PNN: variants seen among roughly 807,000 people sequenced by gnomAD.
The protein encoded by PNN is pinin.
Under a neutral mutation model 76.6 loss-of-function variants are expected in PNN, and 38 were observed. The observed-to-expected ratio is 0.50, with a 90% CI of 0.38 to 0.65. The LOEUF (loss-of-function observed/expected upper bound fraction) is 0.65. PNN is among the 30% of genes least tolerant of loss of function. PNN has a pLI of 0.00. For synonymous variants in PNN, 366 were observed against 283.7 expected (o/e 1.29, Z -2.91); for missense variants, 873 against 874.1 (o/e 1.00, Z 0.02).
intron 8 of PNN, 42 bp downstream of exon 8, chr14:39,179,504 A>G (rs377417975): frequency 4.8e-5 from 74 of 1,545,172 alleles, no homozygotes; most frequent in Non-Finnish European, 6.3e-5. Context: ...CATAGTGGGT[A>G]AGGTAATATG....
At chr14:39,179,060 T>C (rs2053251021) in intron 6 of PNN, 31 bp from the exon 7 acceptor site, 4 of 1,590,120 alleles carry the variant, frequency 2.5e-6, no homozygotes, top group Non-Finnish European at 2.6e-6. Flanking sequence ...TTTCAACACG[T>C]AAGTATTAAA....
rs373531281 is a variant in PNN, at chr14:39,180,468, G to A, written c.794-35G>A. ...ATTATGGCTTTGAATTTTCTTAATC[G>A]GTAAATTTTACACATGTAAATTTTT... On this transcript the variant is annotated intron_variant, in intron 8 of 8. Coordinates refer to ENST00000216832, the MANE Select transcript of PNN (RefSeq NM_002687.4). 5.5e-5 allele frequency: 82 copies of A among 1,494,062 alleles called. No homozygotes were observed. Among genetic ancestry groups the A allele is most frequent in the Non-Finnish European group, 6.7e-5 (75 of 1,121,902 alleles). The allele number at this position is 1,494,062 out of a possible 1,614,324, so 92.6% of individuals were successfully genotyped here.
In PNN at chr14:39,181,116, A is replaced by C. The variant is rs148193612; in HGVS notation, c.1407A>C (p.Gln469His). The C allele has an allele frequency of 3.3e-5, 54 of 1,612,370 alleles. No homozygotes were observed. Among genetic ancestry groups the C allele is most frequent in the Non-Finnish European group, 4.5e-5 (53 of 1,178,582 alleles). Residue 469 changes from glutamine (Q) to histidine (H), a missense_variant, in exon 9 of 9, where the codon CAA becomes CAC. Gln to His is a conservative substitution (Grantham distance 24). This residue lies in a region of PNN where 712 missense variants were observed against 693.1 expected (regional missense o/e 1.03). Coordinates refer to ENST00000216832, the MANE Select transcript of PNN (RefSeq NM_002687.4). ...EEKEEKESEP[Q>H]PEPVAQPQPQ... ...AAGAAGAAAAAGAATCTGAGCCCCA[A>C]CCTGAGCCTGTGGCTCAACCTCAGC...
At position 39,181,880 on chromosome 14, in the gene PNN, T is replaced by C; in HGVS notation, c.*17T>C. The C allele has an allele frequency of 1.9e-6, 3 of 1,540,588 alleles. No individual in the cohort carries two copies. Among genetic ancestry groups the C allele is most frequent in the Non-Finnish European group, 1.7e-6 (2 of 1,152,632 alleles). Reference sequence around the variant, plus strand: ...AGGCGTTAATGGAAGAAGCCAGGCTTTCTTAGCCATTCTTTGCAGCAGAAG... The same window carrying C: ...AGGCGTTAATGGAAGAAGCCAGGCTCTCTTAGCCATTCTTTGCAGCAGAAG... On this transcript the variant is annotated 3_prime_UTR_variant, in exon 9 of 9. Transcript: ENST00000216832.
Position 39,181,144 on chromosome 14 carries a change from C to T in PNN, c.1435C>T (p.Gln479Ter). The T allele has an allele frequency of 6.2e-7, 1 of 1,607,352 alleles. No homozygotes were observed. Among genetic ancestry groups the T allele is most frequent in the Non-Finnish European group, 8.5e-7 (1 of 1,173,916 alleles). ...QPEPVAQPQPQSQPQLQLQSQ... is the reference protein window; with the variant it reads ...QPEPVAQPQP ...TGAGCCTGTGGCTCAACCTCAGCCTCAGTCTCAGCCCCAGCTTCAGCTTCA... is the reference window on the plus strand; with the variant it reads ...TGAGCCTGTGGCTCAACCTCAGCCTTAGTCTCAGCCCCAGCTTCAGCTTCA... The change falls in exon 9 of 9, where the codon CAG (glutamine) becomes TAG (stop). Residue 479 changes from glutamine to a stop codon, truncating the protein, a stop_gained. Coordinates refer to ENST00000216832, the MANE Select transcript of PNN (RefSeq NM_002687.4). LOFTEE classifies it high-confidence loss of function.
In PNN at chr14:39,175,391, A is replaced by G; in HGVS notation, c.112A>G (p.Arg38Gly). ...KLTGRDPNDVRPIQARLLALS... is the reference protein window; with the variant it reads ...KLTGRDPNDVGPIQARLLALS... ...CACCGGGCGGGATCCGAATGACGTG[A>G]GGTAAGGGCCTAACGGGAACTCGGA... Residue 38 changes from arginine (R) to glycine (G), a missense_variant and splice_region_variant, in exon 1 of 9, where the codon AGG (arginine) becomes GGG (glycine). This residue lies in a region of PNN where 156 missense variants were observed against 161.7 expected (regional missense o/e 0.96). Transcript: ENST00000216832. The G allele has an allele frequency of 6.3e-7, 1 of 1,586,524 alleles. No individual in the cohort carries two copies.
In PNN at chr14:39,180,876, G is replaced by T. The variant is rs544868496; in HGVS notation, c.1167G>T (p.Val389=). The change falls in exon 9 of 9, where the codon GTG becomes GTT. Residue 389 remains valine (V), a synonymous_variant. Coordinates refer to ENST00000216832, the MANE Select transcript of PNN (RefSeq NM_002687.4). ...GTCAGCCTGAAGAAGTTATGGATGT[G>T]CTAGAGATGGTTGAGAATGTCAAAC... The part of the protein sequence containing the change: ...QDSQPEEVMD[V]LEMVENVKHV... 1.6e-5 allele frequency: 26 copies of T among 1,614,060 alleles called. No homozygotes were observed. The South Asian group carries it at 2.7e-4, about 17-fold the overall frequency.
intron 5 of PNN, 45 bp downstream of exon 5, chr14:39,177,732 T>G: frequency 6.7e-7 from 1 of 1,503,656 alleles, no homozygotes; most frequent in Non-Finnish European, 9.3e-7. Context: ...AATGCAGTTA[T>G]AAGGAAAATC....
rs764955099 is a variant in PNN at position 39,175,268 on chromosome 14, C to G, written c.-12C>G. 6.4e-7 allele frequency: 1 copy of G among 1,552,118 alleles called. No individual in the cohort carries two copies. Among genetic ancestry groups the G allele is most frequent in the Non-Finnish European group, 8.9e-7 (1 of 1,128,668 alleles). ...GCCTGTAAAGCAGTCTCAAGCCTGC[C>G]GCAGGGAGAAGATGGCGGTCGCCGT... On this transcript the variant is annotated 5_prime_UTR_variant, in exon 1 of 9. Coordinates refer to ENST00000216832, the MANE Select transcript of PNN (RefSeq NM_002687.4).
At chr14:39,177,975 TG>T in intron 6 of PNN, 59 bp downstream of exon 6, 1 of 1,085,398 alleles carries the variant, frequency 9.2e-7, no homozygotes, top group Non-Finnish European at 1.4e-6. Flanking sequence ...AGTAGATTAA[TG>T]TTTTTTTTAA....
chr14:39,176,717 GCCCC>G (rs3215670), intron 3 of PNN, 122 bp downstream of exon 3: 2 of 647,008 alleles, frequency 3.1e-6, no homozygotes, highest in Admixed American at 6.5e-5. Context: ...GCCACTCCCT[GCCCC>G]CCCCAAGTTC....
rs1433583848 is a variant in PNN, at chr14:39,179,001, CTT to C, written c.499-86_499-85del. 3.9e-6 allele frequency: 5 copies of C among 1,270,100 alleles called. No individual in the cohort carries two copies. In the East Asian group the frequency reaches 7.1e-5, roughly 18 times the overall value. 78.7% of individuals were successfully genotyped at this position (1,270,100 alleles called of 1,614,324 possible). On this transcript the variant is annotated intron_variant, in intron 6 of 8. Transcript: ENST00000216832. Reference sequence around the variant, plus strand: ...TTCACGTAATTAGTATGTGTAATAACTTTTTATCATAATTGAACTGAAATCAT... The same window carrying C: ...TTCACGTAATTAGTATGTGTAATAACTTTATCATAATTGAACTGAAATCAT...
rs371604285 is a variant in PNN at position 39,177,832 on chromosome 14, G to C, written c.423-9G>C. On this transcript the variant is annotated splice_polypyrimidine_tract_variant and intron_variant, in intron 5 of 8. Coordinates refer to ENST00000216832, the MANE Select transcript of PNN (RefSeq NM_002687.4). ...TGTTGACAGTAAATTTTCTTATTCT[G>C]TTCTTTAGGAACCGGCGAATATTTG... The C allele has an allele frequency of 1.7e-4, 277 of 1,604,304 alleles. 1 individual carries two copies. In the African/African-American group the frequency reaches 3.0e-3, roughly 17 times the overall value.
intron 1 of PNN, 50 bp from the exon 2 acceptor site, chr14:39,176,028 A>G: frequency 1.0e-6 from 1 of 953,416 alleles, no homozygotes; most frequent in South Asian, 1.3e-5. Context: ...TTTGGGTGCG[A>G]CTGTGTGTGT....
At chr14:39,176,368 C>T (rs1479184055) in intron 2 of PNN, 159 bp from the exon 3 acceptor site, 1 of 648,658 alleles carries the variant, frequency 1.5e-6, no homozygotes, top group East Asian at 2.8e-5. Context: ...GAACTTAATT[C>T]TTATAAAGTA....
chr14:39,181,244 C>G lies in PNN; in HGVS notation c.1535C>G (p.Pro512Arg), dbSNP rs1442804496. The stretch of plus-strand genomic sequence containing the variant: ...GATTTGTCATTAGCTGTTTTACAGC[C>G]AACACCCCAAGTTACTCAGGAGCAA... ...PEDLSLAVLQPTPQVTQEQGH... is the reference protein window; with the variant it reads ...PEDLSLAVLQRTPQVTQEQGH... Residue 512 changes from proline to arginine, a missense_variant, in exon 9 of 9, where the codon CCA becomes CGA. By Grantham distance (103) the Pro-to-Arg change is moderately radical (BLOSUM62 -2). This residue lies in a region of PNN where 712 missense variants were observed against 693.1 expected (regional missense o/e 1.03). Coordinates refer to ENST00000216832, the MANE Select transcript of PNN (RefSeq NM_002687.4). 1.2e-6 allele frequency: 2 copies of G among 1,614,044 alleles called. No individual in the cohort carries two copies. The highest frequency in any genetic ancestry group is 1.7e-5 in the Admixed American group (1 of 60,006).
intron 6 of PNN, among the ~76,000 whole-genome samples, chr14:39,178,830 G>A (rs1003568310): frequency 3.3e-5 from 5 of 151,930 alleles, no homozygotes; most frequent in Admixed American, 6.6e-5. Flanking sequence ...CTCCGCCTCT[G>A]GGGTTCAAGT....
At chr14:39,177,270 C>A in intron 3 of PNN, 142 bp from the exon 4 acceptor site, 1 of 648,012 alleles carries the variant, frequency 1.5e-6, no homozygotes, top group South Asian at 1.9e-5. Flanking sequence ...CCTGTAGTCC[C>A]AGCTGCTTGG....
chr14:39,177,753 T>G lies in PNN; in HGVS notation c.422+66T>G, dbSNP rs2053240088. The G allele has an allele frequency of 3.4e-6, 5 of 1,451,882 alleles. No homozygotes were observed. In the Admixed American group the frequency reaches 6.7e-5, roughly 19 times the overall value. The allele number at this position is 1,451,882 out of a possible 1,614,324, so 89.9% of individuals were successfully genotyped here. ...GTTATAAGGAAAATCAAGGGATTGTTCAAGCATCCTGTAGTATTTCTTAGA... is the reference window on the plus strand; with the variant it reads ...GTTATAAGGAAAATCAAGGGATTGTGCAAGCATCCTGTAGTATTTCTTAGA... On this transcript the variant is annotated intron_variant, in intron 5 of 8. Transcript: ENST00000216832.
Sources: gnomAD v4.1 joint callset for allele counts (sites outside exome capture counted in the v4.1 genomes callset) on GRCh38, gnomAD v4.1.1 for gene constraint, gnomAD v4.1.1 regional missense constraint, MANE v1.5 for transcripts, NCBI Gene and HGNC (gene_info 2026-07-23, HGNC 2026-07-21) for gene names.